Variants in ADGRB3 observed in about 807,000 individuals in gnomAD.
ADGRB3 encodes the protein adhesion G protein-coupled receptor B3.
In ADGRB3, 37 loss-of-function variants were observed where a neutral mutation model predicts 193.4. The observed-to-expected ratio is 0.19, with a 90% CI of 0.15 to 0.25. The LOEUF (loss-of-function observed/expected upper bound fraction) is 0.25. Ranked by LOEUF, ADGRB3 falls within the 10% of genes least tolerant of loss-of-function variation. The probability of loss-of-function intolerance (pLI) is 1.00; values close to 1 mark genes in which losing one functional copy is unlikely to be tolerated. For missense variants in ADGRB3, 1,637 were observed against 1,852.9 expected (o/e 0.88, Z 2.14); for synonymous variants, 690 against 644.2 (o/e 1.07, Z -1.08).
At chr6:69,021,527 C>G (rs1410213367) in intron 13 of ADGRB3, among the ~76,000 whole-genome samples, 2 of 151,788 alleles carry the variant, frequency 1.3e-5, no homozygotes, top group African/African-American at 4.8e-5. Context: ...ACATGTATAG[C>G]AAATAGAATA....
intron 3 of ADGRB3, among the ~76,000 whole-genome samples, chr6:68,844,013 T>C (rs1029114641): frequency 6.6e-6 from 1 of 152,102 alleles, no homozygotes; most frequent in Non-Finnish European, 1.5e-5. Flanking sequence ...CATATACAAA[T>C]ATCAAATGCA....
chr6:68,895,495 T>C (rs1329944023), intron 3 of ADGRB3, among the ~76,000 whole-genome samples: 1 of 152,006 alleles, frequency 6.6e-6, no homozygotes, highest in Non-Finnish European at 1.5e-5. Flanking sequence ...ATGTGCTGTG[T>C]AGAACAGTAT....
At chr6:69,214,023 A>G (rs1383880431) in intron 17 of ADGRB3, among the ~76,000 whole-genome samples, 5 of 152,204 alleles carry the variant, frequency 3.3e-5, no homozygotes, top group African/African-American at 1.2e-4. Context: ...AATGACATAT[A>G]AAAATAGCTA....
intron 3 of ADGRB3, among the ~76,000 whole-genome samples, chr6:68,683,539 T>G (rs1764932844): frequency 1.3e-5 from 2 of 152,206 alleles, no homozygotes; most frequent in Non-Finnish European, 2.9e-5. Context: ...ATTTTCCCTT[T>G]ACATGTTTTC....
At position 68,720,389 on chromosome 6, in the gene ADGRB3, A is replaced by AT. The variant is rs1327174451; in HGVS notation, c.757+80964dup. On this transcript the variant is annotated intron_variant, in intron 3 of 31. Transcript: ENST00000370598. ...CTATGCATTTCTTTTTCATAATTGT[A>AT]TTTTTTTCTTATGACTAACCTTGGG... is the stretch of plus-strand genomic sequence containing the variant. 2.6e-5 allele frequency among the ~76,000 whole-genome samples: 4 copies of AT among 151,616 alleles called. No individual in the cohort carries two copies. In the East Asian group the frequency reaches 7.8e-4, roughly 30 times the overall value.
At chr6:68,871,813 T>C (rs1765468350) in intron 3 of ADGRB3, among the ~76,000 whole-genome samples, 2 of 152,120 alleles carry the variant, frequency 1.3e-5, no homozygotes, top group Admixed American at 6.5e-5. Context: ...AGGGTAATAA[T>C]TTATTATCCT....
chr6:69,172,576 G>C (rs1213140506), intron 17 of ADGRB3, among the ~76,000 whole-genome samples: 1 of 144,514 alleles, frequency 6.9e-6, no homozygotes, highest in Non-Finnish European at 1.5e-5. Flanking sequence ...CCTGGGAGGC[G>C]GAGCTTGCAG....
chr6:69,150,509 C>A (rs572638779), intron 17 of ADGRB3, among the ~76,000 whole-genome samples: 3 of 152,240 alleles, frequency 2.0e-5, no homozygotes, highest in African/African-American at 7.2e-5. Context: ...CAGGTCAGTG[C>A]CCTACATCCT....
At position 69,150,871 on chromosome 6, in the gene ADGRB3, T is replaced by C. The variant is rs1310097566; in HGVS notation, c.2480+74833T>C. Among the ~76,000 whole-genome samples, 8 of 152,210 alleles carry C rather than the reference T, an allele frequency of 5.3e-5. No individual in the cohort carries two copies. The East Asian group carries it at 1.5e-3, about 29-fold the overall frequency. ...TCTTTCAAAGCAGCAGATTACCTTC[T>C]GGCACAGGGTATGTTTAGAAATGTC... On this transcript the variant is annotated intron_variant, in intron 17 of 31. Transcript: ENST00000370598.
intron 20 of ADGRB3, among the ~76,000 whole-genome samples, chr6:69,260,059 G>A (rs1766890607): frequency 6.6e-6 from 1 of 152,270 alleles, no homozygotes; most frequent in Admixed American, 6.5e-5. Flanking sequence ...AATTATGTGT[G>A]TGTGCACATG....
At chr6:68,947,542 G>A (rs1016198773) in intron 6 of ADGRB3, among the ~76,000 whole-genome samples, 1 of 152,020 alleles carries the variant, frequency 6.6e-6, no homozygotes, top group African/African-American at 2.4e-5. Flanking sequence ...AAATTTAAAG[G>A]ACATTTTCTA....
intron 3 of ADGRB3, among the ~76,000 whole-genome samples, chr6:68,793,666 A>T (rs961310884): frequency 3.9e-5 from 6 of 152,046 alleles, no homozygotes; most frequent in Non-Finnish European, 5.9e-5. Flanking sequence ...GTAGCTGGAA[A>T]TACAGGCGCG....
At chr6:68,886,841 C>T (rs1016605214) in intron 3 of ADGRB3, among the ~76,000 whole-genome samples, 1 of 151,882 alleles carries the variant, frequency 6.6e-6, no homozygotes, top group Non-Finnish European at 1.5e-5. Flanking sequence ...ATGTACTGTT[C>T]TGTGACCTGC....
chr6:68,823,005 G>C (rs528664269), intron 3 of ADGRB3, among the ~76,000 whole-genome samples: 2 of 152,094 alleles, frequency 1.3e-5, no homozygotes, highest in Admixed American at 1.3e-4. Flanking sequence ...CAAGCACAAA[G>C]ATGATTGCTA....
intron 20 of ADGRB3, among the ~76,000 whole-genome samples, chr6:69,253,631 A>C (rs940197343): frequency 6.6e-6 from 1 of 152,076 alleles, no homozygotes; most frequent in Admixed American, 6.6e-5. Context: ...GGAGAGAACT[A>C]TGCACTGCTC....
Position 69,303,172 on chromosome 6 carries a change from A to G in ADGRB3, c.2815-21700A>G, listed in dbSNP as rs1441792302. Among the ~76,000 whole-genome samples, 18 of 151,946 alleles carry G rather than the reference A, an allele frequency of 1.2e-4. 1 individual carries two copies. The highest frequency in any genetic ancestry group is 1.2e-3 in the Admixed American group (18 of 15,224). On this transcript the variant is annotated intron_variant, in intron 20 of 31. Coordinates refer to ENST00000370598, the MANE Select transcript of ADGRB3 (RefSeq NM_001704.3). The stretch of plus-strand genomic sequence containing the variant: ...CTTGGCAGAAAGTTTCGATTATTCC[A>G]CACTGCTTTTGGCTTCTTTTACAAC...
At chr6:69,077,501 AGT>A (rs1005738751) in intron 17 of ADGRB3, among the ~76,000 whole-genome samples, 23 of 151,826 alleles carry the variant, frequency 1.5e-4, no homozygotes, top group Non-Finnish European at 3.2e-4. Context: ...AACGGGGGAA[AGT>A]GTTAGTTATT....
intron 17 of ADGRB3, among the ~76,000 whole-genome samples, chr6:69,116,944 T>C (rs1216260404): frequency 6.6e-6 from 1 of 152,222 alleles, no homozygotes; most frequent in Non-Finnish European, 1.5e-5. Flanking sequence ...GTGGCCAGCT[T>C]CCTAGATACC....
Position 69,049,996 on chromosome 6 carries a change from GA to G in ADGRB3, c.2333+651del, listed in dbSNP as rs781779463. Among the ~76,000 whole-genome samples, 12 of 152,178 alleles carry G rather than the reference GA, an allele frequency of 7.9e-5. 1 individual carries two copies. Among genetic ancestry groups the G allele is most frequent in the Admixed American group, 3.3e-4 (5 of 15,282 alleles). ...AGAAAACATCATTCACATCTACTTG[GA>G]TTGTGATGTTATCACTCATAGTGAC... On this transcript the variant is annotated intron_variant, in intron 15 of 31. Transcript: ENST00000370598.
Sources: allele counts gnomAD v4.1 joint callset (sites outside exome capture counted in the v4.1 genomes callset), GRCh38; gene constraint gnomAD v4.1.1; transcripts MANE v1.5; gene names NCBI Gene and HGNC (gene_info 2026-07-23, HGNC 2026-07-21).